ZNF670: variants seen among roughly 807,000 people sequenced by gnomAD.
ZNF670 encodes the protein zinc finger protein 670.
Under a neutral mutation model 10.9 loss-of-function variants are expected in ZNF670, and 7 were observed. The observed-to-expected ratio is 0.64, with a 90% CI of 0.36 to 1.20. The LOEUF is 1.20. ZNF670 is among the 50% of genes most tolerant of loss of function. The pLI is 0.02. For synonymous variants in ZNF670, 136 were observed against 152.7 expected (o/e 0.89, Z 0.81); for missense variants, 446 against 458.6 (o/e 0.97, Z 0.25).
chr1:247,069,569 C>T lies in ZNF670; in HGVS notation c.3+9025G>A, dbSNP rs111597484. Among the ~76,000 whole-genome samples the T allele has an allele frequency of 5.3e-5, 8 of 150,358 alleles. 1 individual carries two copies. Among genetic ancestry groups the T allele is most frequent in the African/African-American group, 2.0e-4 (8 of 39,780 alleles). On this transcript the variant is annotated intron_variant, in intron 1 of 3. Coordinates refer to ENST00000366503, the MANE Select transcript of ZNF670 (RefSeq NM_033213.5). ...CTCTCGTTTGTTGTAGCACTGTTTA[C>T]GATAGCCAAAATTTGGAAACAACCT... is the stretch of plus-strand genomic sequence containing the variant.
intron 1 of ZNF670, 134 bp downstream of exon 1, chr1:247,078,460 G>T (rs992444295): frequency 6.4e-5 from 74 of 1,149,846 alleles, no homozygotes; most frequent in Non-Finnish European, 8.8e-5. Flanking sequence ...GTCCAGCCCC[G>T]CATCCTGTGC....
intron 1 of ZNF670, among the ~76,000 whole-genome samples, chr1:247,051,782 A>ATTTTTTTTTTTTTTT (rs58493948): frequency 7.2e-6 from 1 of 138,218 alleles, no homozygotes. Flanking sequence ...TTCTTTTTTC[A>ATTTTTTTTTTTTTTT]TTTTTTTTTT....
intron 1 of ZNF670, chr1:247,042,654 GAAGA>G (rs1277605092): frequency 4.1e-5 from 11 of 268,852 alleles, no homozygotes; most frequent in Non-Finnish European, 7.9e-5. Context: ...GTCAGAAGTA[GAAGA>G]AAGTAAGTTT....
intron 1 of ZNF670, among the ~76,000 whole-genome samples, chr1:247,058,012 A>G (rs1282598662): frequency 6.6e-6 from 1 of 152,258 alleles, no homozygotes; most frequent in African/African-American, 2.4e-5. Context: ...TTGTAACACA[A>G]AAGATAAATG....
intron 1 of ZNF670, among the ~76,000 whole-genome samples, chr1:247,053,965 A>G (rs1670657972): frequency 6.6e-6 from 1 of 152,204 alleles, no homozygotes; most frequent in South Asian, 2.1e-4. Flanking sequence ...TGAATTGCCA[A>G]CACCACCCTT....
intron 1 of ZNF670, among the ~76,000 whole-genome samples, chr1:247,069,792 A>G (rs182360808): frequency 7.9e-5 from 12 of 152,334 alleles, no homozygotes; most frequent in Admixed American, 7.8e-4. Context: ...TCTAAAAATC[A>G]AAACAACTGA....
At chr1:247,040,950 C>G (rs1670291456) in intron 1 of ZNF670, among the ~76,000 whole-genome samples, 1 of 152,142 alleles carries the variant, frequency 6.6e-6, no homozygotes, top group South Asian at 2.1e-4. Flanking sequence ...CTGCCTTGGC[C>G]TCCCAAAGTG....
intron 1 of ZNF670, among the ~76,000 whole-genome samples, chr1:247,067,617 C>A (rs542141247): frequency 2.1e-5 from 3 of 144,578 alleles, no homozygotes; most frequent in East Asian, 4.4e-4. Context: ...CCGAGGCGGG[C>A]GGATCACGAG....
chr1:247,052,360 T>C (rs1229582498), intron 1 of ZNF670, among the ~76,000 whole-genome samples: 1 of 152,108 alleles, frequency 6.6e-6, no homozygotes, highest in African/African-American at 2.4e-5. Flanking sequence ...GTTATGGCTC[T>C]TCTAGGTCAA....
In ZNF670 at chr1:247,037,902, A is replaced by G; in HGVS notation, c.717T>C (p.Ser239=). 1 of 1,614,042 alleles carries G rather than the reference A, an allele frequency of 6.2e-7. No individual in the cohort carries two copies. The highest frequency in any genetic ancestry group is 8.5e-7 in the Non-Finnish European group (1 of 1,179,986). ...KCGKSFTFSS[S]LRQHERSHTG... ...TATGAGATCTTTCATGTTGGCGAAG[A>G]GAACTGGAAAAAGTGAATGATTTAC... Residue 239 remains serine (S), a synonymous_variant, in exon 4 of 4, where the codon TCT becomes TCC. Coordinates refer to ENST00000366503, the MANE Select transcript of ZNF670 (RefSeq NM_033213.5).
chr1:247,068,319 C>CAAAAAAA (rs74163724), intron 1 of ZNF670, among the ~76,000 whole-genome samples: 3,089 of 54,376 alleles, frequency 0.057, 303 homozygotes, highest in African/African-American at 0.15. Flanking sequence ...ATTCTGTCTC[C>CAAAAAAA]AAAAAAAAAA....
chr1:247,055,880 T>C (rs559388496), intron 1 of ZNF670, among the ~76,000 whole-genome samples: 1 of 152,094 alleles, frequency 6.6e-6, no homozygotes, highest in South Asian at 2.1e-4. Context: ...TCAGATGAAA[T>C]AAATTTCAAA....
chr1:247,052,080 C>A (rs181441276), intron 1 of ZNF670, among the ~76,000 whole-genome samples: 125 of 148,938 alleles, frequency 8.4e-4, no homozygotes, highest in African/African-American at 3.0e-3. Flanking sequence ...CTTTTAAATT[C>A]TTTTCCTGGC....
intron 1 of ZNF670, chr1:247,043,285 A>G: frequency 1.6e-6 from 1 of 640,070 alleles, no homozygotes; most frequent in Admixed American, 1.9e-5. Flanking sequence ...AGGGGTGTAC[A>G]TTGTTTGGTC....
chr1:247,039,061 T>TTTC (rs1553319647), intron 2 of ZNF670, among the ~76,000 whole-genome samples, 191 bp from the exon 3 acceptor site: 7 of 33,008 alleles, frequency 2.1e-4, no homozygotes, highest in South Asian at 9.7e-4. Context: ...TCTTTCTTTC[T>TTTC]TTTTTTTTTT....
chr1:247,046,581 A>T (rs879363120), intron 1 of ZNF670, among the ~76,000 whole-genome samples: 1 of 152,198 alleles, frequency 6.6e-6, no homozygotes, highest in Admixed American at 6.5e-5. Flanking sequence ...TTTCAGATGT[A>T]TCAGGAATGT....
At chr1:247,058,719 A>C (rs1341407309) in intron 1 of ZNF670, among the ~76,000 whole-genome samples, 6 of 151,766 alleles carry the variant, frequency 4.0e-5, no homozygotes, top group Admixed American at 6.6e-5. Context: ...TAAAAAAAAA[A>C]AAAAAAACCA....
At chr1:247,049,754 T>G (rs273377) in intron 1 of ZNF670, among the ~76,000 whole-genome samples, 1 of 152,212 alleles carries the variant, frequency 6.6e-6, no homozygotes, top group Non-Finnish European at 1.5e-5. Flanking sequence ...TGTTTAAACT[T>G]CTATCTTGAT....
At chr1:247,044,394 T>C (rs1322174575) in intron 1 of ZNF670, among the ~76,000 whole-genome samples, 2 of 152,204 alleles carry the variant, frequency 1.3e-5, no homozygotes, top group Admixed American at 6.5e-5. Context: ...AAAAGCAGTT[T>C]GAAGATTTCT....
Sources: gnomAD v4.1 joint callset for allele counts (sites outside exome capture counted in the v4.1 genomes callset) on GRCh38, gnomAD v4.1.1 for gene constraint, MANE v1.5 for transcripts, NCBI Gene and HGNC (gene_info 2026-07-23, HGNC 2026-07-21) for gene names.